Variants in CAMK2D observed in about 807,000 individuals in gnomAD.
CAMK2D encodes calcium/calmodulin dependent protein kinase II delta.
In CAMK2D, 37 loss-of-function variants were observed where a neutral mutation model predicts 84.0. That is an observed-to-expected ratio of 0.44 (90% CI 0.34 to 0.58). The LOEUF is 0.58. CAMK2D is among the 20% of genes least tolerant of loss of function. CAMK2D has a pLI of 0.02. For synonymous variants in CAMK2D, 202 were observed against 212.5 expected (o/e 0.95, Z 0.43); for missense variants, 448 against 652.5 (o/e 0.69, Z 3.41).
intron 16 of CAMK2D, among the ~76,000 whole-genome samples, chr4:113,467,810 C>T (rs1226793708): frequency 1.3e-5 from 2 of 152,126 alleles, no homozygotes. Context: ...ACAGTATGAA[C>T]ATTTGGCAAA....
chr4:113,669,840 C>T (rs1256614111), intron 2 of CAMK2D, among the ~76,000 whole-genome samples: 1 of 152,158 alleles, frequency 6.6e-6, no homozygotes, highest in African/African-American at 2.4e-5. Flanking sequence ...CATGTACCTT[C>T]AGGAGAAAGA....
chr4:113,469,609 T>C (rs1294912258), intron 16 of CAMK2D, among the ~76,000 whole-genome samples: 4 of 152,196 alleles, frequency 2.6e-5, no homozygotes, highest in Non-Finnish European at 5.9e-5. Flanking sequence ...TTCAGATCTA[T>C]GTGTCAAGGC....
At chr4:113,759,234 C>A in intron 2 of CAMK2D, 86 bp downstream of exon 2, 1 of 760,400 alleles carries the variant, frequency 1.3e-6, no homozygotes, top group Non-Finnish European at 2.2e-6. Context: ...TCAGTTATAA[C>A]TACATGATAT....
intron 14 of CAMK2D, chr4:113,503,401 AGTTATATTG>A: frequency 2.3e-6 from 1 of 443,822 alleles, no homozygotes; most frequent in South Asian, 1.8e-5. Context: ...ATATTTTTTC[AGTTATATTG>A]GTTTGAAACT....
intron 2 of CAMK2D, among the ~76,000 whole-genome samples, chr4:113,675,308 C>T (rs2099313742): frequency 6.6e-6 from 1 of 152,164 alleles, no homozygotes; most frequent in African/African-American, 2.4e-5. Flanking sequence ...CCAGTCTTTT[C>T]CTAGGCATAT....
At chr4:113,501,012 C>T (rs2098033884) in intron 15 of CAMK2D, among the ~76,000 whole-genome samples, 1 of 152,028 alleles carries the variant, frequency 6.6e-6, no homozygotes, top group Non-Finnish European at 1.5e-5. Context: ...CATTTCACCG[C>T]ATCATTTAAT....
intron 4 of CAMK2D, among the ~76,000 whole-genome samples, chr4:113,596,913 G>A (rs549830285): frequency 6.6e-6 from 1 of 151,406 alleles, no homozygotes; most frequent in East Asian, 2.0e-4. Flanking sequence ...TCAGCCTCCC[G>A]GGTTCACGCC....
chr4:113,603,229 T>C (rs2098960865), intron 4 of CAMK2D, among the ~76,000 whole-genome samples: 1 of 152,132 alleles, frequency 6.6e-6, no homozygotes, highest in African/African-American at 2.4e-5. Flanking sequence ...TTTATTATTA[T>C]ACTTTCAGTT....
chr4:113,734,098 C>CT (rs150189728), intron 2 of CAMK2D, among the ~76,000 whole-genome samples: 1 of 151,874 alleles, frequency 6.6e-6, no homozygotes, highest in South Asian at 2.1e-4. Context: ...GTTGAAAAAA[C>CT]TTTTTTTTAA....
chr4:113,478,734 T>A (rs2097661552), intron 16 of CAMK2D, among the ~76,000 whole-genome samples: 1 of 152,218 alleles, frequency 6.6e-6, no homozygotes. Flanking sequence ...CAGAATGCTA[T>A]AATTCTGTGT....
At chr4:113,736,227 C>T (rs949595021) in intron 2 of CAMK2D, among the ~76,000 whole-genome samples, 2 of 151,526 alleles carry the variant, frequency 1.3e-5, no homozygotes, top group Non-Finnish European at 2.9e-5. Context: ...TCCAAGACAT[C>T]CAACTTACTC....
chr4:113,663,596 T>TAAC (rs1189901715), intron 2 of CAMK2D, among the ~76,000 whole-genome samples: 68 of 148,560 alleles, frequency 4.6e-4, no homozygotes, highest in African/African-American at 1.6e-3. Flanking sequence ...CTAAAAATAA[T>TAAC]AATAATAATA....
intron 2 of CAMK2D, among the ~76,000 whole-genome samples, chr4:113,663,919 G>T (rs573728839): frequency 6.6e-6 from 1 of 152,182 alleles, no homozygotes; most frequent in Admixed American, 6.5e-5. Flanking sequence ...CCCACAGAAT[G>T]TGACTGTATT....
intron 16 of CAMK2D, among the ~76,000 whole-genome samples, chr4:113,469,501 C>T (rs1312458655): frequency 6.6e-6 from 1 of 152,330 alleles, no homozygotes; most frequent in South Asian, 2.1e-4. Flanking sequence ...CTCCTTATCT[C>T]ATGCTGCATC....
chr4:113,605,467 C>T (rs909961562), intron 4 of CAMK2D, among the ~76,000 whole-genome samples: 2 of 152,162 alleles, frequency 1.3e-5, no homozygotes, highest in African/African-American at 2.4e-5. Context: ...AGTGTTTCCT[C>T]CCTGACCAAG....
chr4:113,561,179 A>G (rs934232234), intron 4 of CAMK2D, among the ~76,000 whole-genome samples: 1 of 152,176 alleles, frequency 6.6e-6, no homozygotes, highest in African/African-American at 2.4e-5. Context: ...GATATATTTT[A>G]TTACTACAGG....
At chr4:113,692,154 T>C (rs2099388872) in intron 2 of CAMK2D, among the ~76,000 whole-genome samples, 1 of 152,202 alleles carries the variant, frequency 6.6e-6, no homozygotes, top group Non-Finnish European at 1.5e-5. Context: ...GTGCCTTGTG[T>C]CTGCAGAAGA....
At chr4:113,645,643 C>T (rs1421710545) in intron 3 of CAMK2D, among the ~76,000 whole-genome samples, 1 of 151,394 alleles carries the variant, frequency 6.6e-6, no homozygotes, top group African/African-American at 2.4e-5. Flanking sequence ...GTAGAGTAGT[C>T]AAATAAAGGG....
intron 2 of CAMK2D, among the ~76,000 whole-genome samples, chr4:113,728,039 C>T (rs1429004956): frequency 6.6e-6 from 1 of 152,140 alleles, no homozygotes; most frequent in Non-Finnish European, 1.5e-5. Flanking sequence ...ACAGCAATTG[C>T]AATTCCCATA....
Sources: gnomAD v4.1 joint callset for allele counts (sites outside exome capture counted in the v4.1 genomes callset) on GRCh38, gnomAD v4.1.1 for gene constraint, MANE v1.5 for transcripts, NCBI Gene and HGNC (gene_info 2026-07-23, HGNC 2026-07-21) for gene names.